GALNT18: variants seen among roughly 807,000 people sequenced by gnomAD.
The protein encoded by GALNT18 is polypeptide N-acetylgalactosaminyltransferase 18.
A neutral mutation model predicts 69.5 loss-of-function variants in GALNT18; 44 were observed. The observed-to-expected ratio is 0.63, with a 90% CI of 0.50 to 0.81. The LOEUF is 0.81. Among genes scored for constraint, GALNT18 ranks in the 40% least tolerant of loss-of-function variants. The pLI is 0.00. For synonymous variants in GALNT18, 364 were observed against 318.2 expected (o/e 1.14, Z -1.53); for missense variants, 715 against 810.0 (o/e 0.88, Z 1.42).
intron 3 of GALNT18, among the ~76,000 whole-genome samples, chr11:11,403,227 G>A (rs901539269): frequency 6.6e-6 from 1 of 152,194 alleles, no homozygotes; most frequent in African/African-American, 2.4e-5. Flanking sequence ...CTTCAGCACT[G>A]TGTGAATCCT....
intron 1 of GALNT18, among the ~76,000 whole-genome samples, chr11:11,567,905 C>A (rs530727622): frequency 6.6e-6 from 1 of 152,326 alleles, no homozygotes; most frequent in East Asian, 1.9e-4. Flanking sequence ...CATTCTGGTA[C>A]AATGCATTCG....
At chr11:11,488,165 C>T (rs1165551897) in intron 1 of GALNT18, among the ~76,000 whole-genome samples, 2 of 152,154 alleles carry the variant, frequency 1.3e-5, no homozygotes, top group Non-Finnish European at 2.9e-5. Flanking sequence ...GTAAATGACA[C>T]AAATTTATTA....
intron 5 of GALNT18, among the ~76,000 whole-genome samples, chr11:11,373,846 T>C (rs1290783981): frequency 6.6e-6 from 1 of 152,238 alleles, no homozygotes; most frequent in Admixed American, 6.5e-5. Context: ...CTACCATTTC[T>C]AGCCCTTGCC....
rs1855489782 is a variant in GALNT18, at chr11:11,439,570, T to C, written c.429-6783A>G. ...TGCAACATGTTTTTATATGTGATCA[T>C]TTAACAAACGTCAGTGTCTCCACTA... is the stretch of plus-strand genomic sequence containing the variant. On this transcript the variant is annotated intron_variant, in intron 2 of 10. Coordinates refer to ENST00000227756, the MANE Select transcript of GALNT18 (RefSeq NM_198516.3). This position sits in a 1 kb window ranked among gnomAD's most constrained non-coding sequence, Gnocchi z 4.4. 6.6e-6 allele frequency among the ~76,000 whole-genome samples: 1 copy of C among 152,226 alleles called. No individual in the cohort carries two copies. Among genetic ancestry groups the C allele is most frequent in the Non-Finnish European group, 1.5e-5 (1 of 68,034 alleles).
chr11:11,548,008 C>A (rs2133964942), intron 1 of GALNT18, among the ~76,000 whole-genome samples: 1 of 152,338 alleles, frequency 6.6e-6, no homozygotes, highest in African/African-American at 2.4e-5. Flanking sequence ...CAGGCCCTAT[C>A]TTCTGACTCT....
chr11:11,515,485 C>T (rs1857254509), intron 1 of GALNT18, among the ~76,000 whole-genome samples: 1 of 152,216 alleles, frequency 6.6e-6, no homozygotes, highest in Non-Finnish European at 1.5e-5. Flanking sequence ...CACCTGTCAG[C>T]CTCAATGAGC....
rs1225957514 is a variant in GALNT18 at position 11,432,837 on chromosome 11, T to G, written c.429-50A>C. 16 of 1,574,958 alleles carry G rather than the reference T, an allele frequency of 1.0e-5. No homozygotes were observed. The highest frequency in any genetic ancestry group is 1.4e-5 in the Non-Finnish European group (16 of 1,152,154). On this transcript the variant is annotated intron_variant, in intron 2 of 10. Transcript: ENST00000227756. This position sits in a 1 kb window ranked among gnomAD's most constrained non-coding sequence, Gnocchi z 5.8. Reference sequence around the variant, plus strand: ...GATTTGTGACTCAGCTGGAGTCATCTCAGGAGCTGACCCAGCCCATGTCCT... The same window carrying G: ...GATTTGTGACTCAGCTGGAGTCATCGCAGGAGCTGACCCAGCCCATGTCCT...
chr11:11,278,722 G>A (rs1849001715), intron 10 of GALNT18, among the ~76,000 whole-genome samples: 1 of 152,024 alleles, frequency 6.6e-6, no homozygotes. Context: ...GGGAGGAGAG[G>A]AAAAAGCAGG....
chr11:11,293,437 A>G (rs1391787956), intron 9 of GALNT18, among the ~76,000 whole-genome samples: 1 of 152,010 alleles, frequency 6.6e-6, no homozygotes, highest in African/African-American at 2.4e-5. Flanking sequence ...ACACCCTTAC[A>G]TATGTAATAT....
Position 11,609,949 on chromosome 11 carries a change from C to T in GALNT18, c.235+11410G>A, listed in dbSNP as rs866048881. Among the ~76,000 whole-genome samples the T allele has an allele frequency of 1.2e-4, 18 of 152,242 alleles. 1 individual carries two copies. The highest frequency in any genetic ancestry group is 1.0e-3 in the South Asian group (5 of 4,816). On this transcript the variant is annotated intron_variant, in intron 1 of 10. Transcript: ENST00000227756. The stretch of plus-strand genomic sequence containing the variant: ...GAGGACCCCCAAAATAAAGCTGTGG[C>T]CTGAGTGAGTGGAGGAGATGATCTT...
rs1311472867 is a variant in GALNT18 at position 11,400,393 on chromosome 11, T to TC, written c.596-21130dup. Among the ~76,000 whole-genome samples, 4 of 152,336 alleles carry TC rather than the reference T, an allele frequency of 2.6e-5. No homozygotes were observed. The South Asian group carries it at 8.3e-4, about 32-fold the overall frequency. On this transcript the variant is annotated intron_variant, in intron 3 of 10. Transcript: ENST00000227756. Reference sequence around the variant, plus strand: ...ACGCAATGATCATTAGACAAAGTGTTCCTTCATATCCTTGAGGAAGGTTGC... The same window carrying TC: ...ACGCAATGATCATTAGACAAAGTGTTCCCTTCATATCCTTGAGGAAGGTTGC...
At chr11:11,558,967 T>C (rs931408485) in intron 1 of GALNT18, among the ~76,000 whole-genome samples, 7 of 152,208 alleles carry the variant, frequency 4.6e-5, no homozygotes, top group African/African-American at 1.7e-4. Context: ...GTGAGCACCA[T>C]AGCCTGCCAG....
At chr11:11,575,103 G>A (rs931949672) in intron 1 of GALNT18, among the ~76,000 whole-genome samples, 1 of 152,104 alleles carries the variant, frequency 6.6e-6, no homozygotes, top group African/African-American at 2.4e-5. Flanking sequence ...AGCTTCCAGG[G>A]TCCAAGCTCA....
intron 10 of GALNT18, among the ~76,000 whole-genome samples, chr11:11,276,661 T>A (rs903387270): frequency 1.3e-5 from 2 of 152,160 alleles, no homozygotes; most frequent in Non-Finnish European, 2.9e-5. Context: ...CATAAATAGC[T>A]CTTATTATTT....
In GALNT18 at chr11:11,334,137, G is replaced by T. The variant is rs574768676; in HGVS notation, c.1279-1306C>A. On this transcript the variant is annotated intron_variant, in intron 7 of 10. Coordinates refer to ENST00000227756, the MANE Select transcript of GALNT18 (RefSeq NM_198516.3). ...TCAACTCCAGGGATTGAGTTACTGA[G>T]GTTGGGCAGATTTTGTCTAAAATAT... is the stretch of plus-strand genomic sequence containing the variant. Among the ~76,000 whole-genome samples, 6 of 152,248 alleles carry T rather than the reference G, an allele frequency of 3.9e-5. No homozygotes were observed. In the East Asian group the frequency reaches 7.7e-4, roughly 20 times the overall value.
intron 1 of GALNT18, among the ~76,000 whole-genome samples, chr11:11,557,350 G>A (rs906667425): frequency 6.6e-6 from 1 of 152,100 alleles, no homozygotes; most frequent in Admixed American, 6.5e-5. Flanking sequence ...TAGAGAGCTT[G>A]GATTCAACTT....
intron 8 of GALNT18, among the ~76,000 whole-genome samples, chr11:11,331,263 T>C (rs1850012423): frequency 1.3e-5 from 2 of 152,168 alleles, no homozygotes; most frequent in Non-Finnish European, 2.9e-5. Flanking sequence ...GAGAGGTCAC[T>C]GCATGGTTCT....
chr11:11,359,423 C>T (rs1297470711), intron 6 of GALNT18, among the ~76,000 whole-genome samples: 3 of 91,976 alleles, frequency 3.3e-5, no homozygotes, highest in Non-Finnish European at 7.9e-5. Flanking sequence ...CTGTTCTAGG[C>T]AATTGCTAGG....
intron 1 of GALNT18, among the ~76,000 whole-genome samples, chr11:11,575,292 G>A (rs1384454806): frequency 3.3e-5 from 5 of 152,118 alleles, no homozygotes; most frequent in Non-Finnish European, 7.4e-5. Flanking sequence ...CTGCTTTGAG[G>A]CTGCCACATC....
Sources: allele counts gnomAD v4.1 joint callset (sites outside exome capture counted in the v4.1 genomes callset), GRCh38; gene constraint gnomAD v4.1.1; non-coding constraint Gnocchi (gnomAD v3.1); transcripts MANE v1.5; gene names NCBI Gene and HGNC (gene_info 2026-07-23, HGNC 2026-07-21).